Variants in WEE1 observed in about 807,000 individuals in gnomAD.
WEE1 encodes the protein wee1-like protein kinase.
WEE1 carries 16 observed loss-of-function variants against 68.8 expected under a neutral mutation model. The observed-to-expected ratio is 0.23, with a 90% CI of 0.16 to 0.35. The LOEUF is 0.35. Among genes scored for constraint, WEE1 ranks in the 10% least tolerant of loss-of-function variants. The pLI is 1.00. For synonymous variants in WEE1, 349 were observed against 318.7 expected, an observed-to-expected ratio of 1.09 and a Z score of -1.01; for missense variants, 651 against 824.1, an observed-to-expected ratio of 0.79 and a Z score of 2.57.
intron 6 of WEE1, 117 bp from the exon 7 acceptor site, chr11:9,585,141 T>A: frequency 1.2e-6 from 1 of 805,540 alleles, no homozygotes; most frequent in Non-Finnish European, 2.0e-6. Flanking sequence ...GGGTTTGGGC[T>A]AGAACTTGAG....
intron 10 of WEE1, among the ~76,000 whole-genome samples, chr11:9,587,458 CTT>C (rs1849714132): frequency 6.6e-6 from 1 of 152,198 alleles, no homozygotes; most frequent in African/African-American, 2.4e-5. Context: ...CTATACCAAT[CTT>C]TTCTTCCCAG....
chr11:9,575,871 T>C lies in WEE1; in HGVS notation c.577-17T>C. On this transcript the variant is annotated splice_polypyrimidine_tract_variant and intron_variant, in intron 1 of 10. Coordinates refer to ENST00000450114, the MANE Select transcript of WEE1 (RefSeq NM_003390.4). ...ACTTGGATCCTAAAAATTGTATTTG[T>C]ATTTTTCTTTCCCTAGAGTTTGCTC... is the stretch of plus-strand genomic sequence containing the variant. The C allele has an allele frequency of 1.2e-6, 2 of 1,611,828 alleles. No homozygotes were observed. Among genetic ancestry groups the C allele is most frequent in the Non-Finnish European group, 1.7e-6 (2 of 1,178,312 alleles).
Position 9,574,580 on chromosome 11 carries a change from G to T in WEE1, c.576+71G>T. On this transcript the variant is annotated intron_variant, in intron 1 of 10. Transcript: ENST00000450114. This position sits in a 1 kb window ranked among gnomAD's most constrained non-coding sequence, Gnocchi z 4.9. ...CGGAGGGGCCAGCGCCGCTGCCTGG[G>T]TTCGGTTACAGAAGCGGCCGGCCGC... 6 of 1,140,160 alleles carry T rather than the reference G, an allele frequency of 5.3e-6. No homozygotes were observed. The highest frequency in any genetic ancestry group is 5.4e-6 in the Non-Finnish European group (5 of 930,700). 70.6% of individuals were successfully genotyped at this position (1,140,160 alleles called of 1,614,324 possible). A position where few individuals can be genotyped will look rare whatever the true frequency, so the allele number is the denominator to read the frequency against.
Position 9,577,229 on chromosome 11 carries a change from T to C in WEE1, c.1107T>C (p.Asp369=), listed in dbSNP as rs201758163. The change falls in exon 5 of 11, where the codon GAT becomes GAC. Residue 369 remains aspartate, a synonymous_variant. Transcript: ENST00000450114. The stretch of plus-strand genomic sequence containing the variant: ...GATATTTCTCTGCGTGGGCAGAAGA[T>C]GATCATATGCTTATACAGAATGAAT... ...VVRYFSAWAE[D]DHMLIQNEYC... is the part of the protein sequence containing the mutation. The C allele has an allele frequency of 4.0e-5, 64 of 1,614,044 alleles. No homozygotes were observed. The highest frequency in any genetic ancestry group is 5.1e-5 in the Non-Finnish European group (60 of 1,179,904).
chr11:9,583,761 GCACACA>G (rs1157681380), intron 6 of WEE1, among the ~76,000 whole-genome samples: 71 of 48,904 alleles, frequency 1.5e-3, no homozygotes, highest in South Asian at 0.014. Flanking sequence ...GCACGCGCGC[GCACACA>G]CACACACACA....
At position 9,588,838 on chromosome 11, in the gene WEE1, C is replaced by A; in HGVS notation, c.*236C>A. On this transcript the variant is annotated 3_prime_UTR_variant, in exon 11 of 11. Coordinates refer to ENST00000450114, the MANE Select transcript of WEE1 (RefSeq NM_003390.4). ...GTGTCACTGTTGGATGTTACACCAGCCTTTCCAGGGTTAACCACTGTGGTG... is the reference window on the plus strand; with the variant it reads ...GTGTCACTGTTGGATGTTACACCAGACTTTCCAGGGTTAACCACTGTGGTG... 1 of 1,107,106 alleles carries A rather than the reference C, an allele frequency of 9.0e-7. No homozygotes were observed. 68.6% of individuals were successfully genotyped at this position (1,107,106 alleles called of 1,614,324 possible).
chr11:9,577,557 G>A (rs780538911), intron 5 of WEE1: 92 of 363,254 alleles, frequency 2.5e-4, no homozygotes, highest in Admixed American at 4.3e-4. Flanking sequence ...AGTACCTAGC[G>A]TAGTGTGTGA....
chr11:9,586,652 C>T, intron 9 of WEE1, 33 bp downstream of exon 9: 2 of 1,612,960 alleles, frequency 1.2e-6, no homozygotes, highest in Non-Finnish European at 8.5e-7. Flanking sequence ...CCTTTATTGA[C>T]ATGGTTCTAT....
rs1334525313 is a variant in WEE1 at position 9,576,461 on chromosome 11, A to G, written c.847-26A>G. On this transcript the variant is annotated intron_variant, in intron 3 of 10. Coordinates refer to ENST00000450114, the MANE Select transcript of WEE1 (RefSeq NM_003390.4). This position sits in a 1 kb window ranked among gnomAD's most constrained non-coding sequence, Gnocchi z 4.3. ...AACTGTTTTCGTATATTTGTATTAC[A>G]TATATGGAAACACTTTTTATTACAG... is the stretch of plus-strand genomic sequence containing the variant. 6.9e-6 allele frequency: 11 copies of G among 1,602,684 alleles called. No individual in the cohort carries two copies. In the African/African-American group the frequency reaches 1.3e-4, roughly 20 times the overall value.
chr11:9,588,505 C>T lies in WEE1; in HGVS notation c.1844C>T (p.Thr615Ile). 3 of 1,612,184 alleles carry T rather than the reference C, an allele frequency of 1.9e-6. No individual in the cohort carries two copies. In the South Asian group the frequency reaches 3.3e-5, roughly 18 times the overall value. The change falls in exon 11 of 11, where the codon ACT (threonine) becomes ATT (isoleucine). Residue 615 changes from threonine (T) to isoleucine (I), a missense_variant. Around this residue, in one of 5 missense-constraint regions of WEE1, gnomAD observed 115 missense variants for 142.7 expected, o/e 0.81. Coordinates refer to ENST00000450114, the MANE Select transcript of WEE1 (RefSeq NM_003390.4). ...GCAGCTGAGGAAAGAGCACTCTTCA[C>T]TGACCGGATGGCCACTAGGTCCACC... is the stretch of plus-strand genomic sequence containing the variant. ...KAAAEERALF[T>I]DRMATRSTTQ...
At chr11:9,583,254 A>G (rs1033253808) in intron 6 of WEE1, among the ~76,000 whole-genome samples, 17 of 151,978 alleles carry the variant, frequency 1.1e-4, no homozygotes, top group Non-Finnish European at 5.9e-5. Context: ...CGGAGGTTGC[A>G]GTGAGCCGAG....
Position 9,574,328 on chromosome 11 carries a change from A to T in WEE1, c.395A>T (p.Tyr132Phe). The part of the protein sequence containing the change: ...SSPVKSPAAP[Y>F]FLGSSFSPVR... ...CCGGTCAAGTCGCCGGCGGCCCCCT[A>T]CTTCCTGGGTAGCTCTTTCTCGCCG... is the stretch of plus-strand genomic sequence containing the variant. Residue 132 changes from tyrosine to phenylalanine, a missense_variant, in exon 1 of 11, where the codon TAC becomes TTC. Around this residue, in one of 5 missense-constraint regions of WEE1, gnomAD observed 395 missense variants for 378.4 expected, o/e 1.04. Coordinates refer to ENST00000450114, the MANE Select transcript of WEE1 (RefSeq NM_003390.4). The surrounding 1 kb of genome is among the most constrained non-coding windows in gnomAD (Gnocchi z 4.9). The T allele has an allele frequency of 1.6e-6, 2 of 1,271,966 alleles. No individual in the cohort carries two copies. Among genetic ancestry groups the T allele is most frequent in the Non-Finnish European group, 2.0e-6 (2 of 1,007,252 alleles). The allele number at this position is 1,271,966 out of a possible 1,614,324, so 78.8% of individuals were successfully genotyped here.
At position 9,586,490 on chromosome 11, in the gene WEE1, C is replaced by T; in HGVS notation, c.1512C>T (p.Ala504=). The T allele has an allele frequency of 1.2e-6, 2 of 1,613,750 alleles. No individual in the cohort carries two copies. The highest frequency in any genetic ancestry group is 1.7e-6 in the Non-Finnish European group (2 of 1,179,870). The change falls in exon 9 of 11, where the codon GCC becomes GCT. Residue 504 remains alanine (A), a synonymous_variant. Coordinates refer to ENST00000450114, the MANE Select transcript of WEE1 (RefSeq NM_003390.4). Reference sequence around the variant, plus strand: ...CAAAAGCAGATATTTTTGCGCTTGCCCTCACAGTGGTATGTGCTGCTGGTG... The same window carrying T: ...CAAAAGCAGATATTTTTGCGCTTGCTCTCACAGTGGTATGTGCTGCTGGTG... ...HLPKADIFAL[A]LTVVCAAGAE... is the part of the protein sequence containing the mutation.
At chr11:9,583,810 T>C (rs1397482229) in intron 6 of WEE1, among the ~76,000 whole-genome samples, 137 of 17,962 alleles carry the variant, frequency 7.6e-3, no homozygotes, top group African/African-American at 0.016. Flanking sequence ...CACATATATA[T>C]ATATATATAT....
At chr11:9,579,499 G>A (rs895149281) in intron 5 of WEE1, 1 of 152,160 alleles carries the variant, frequency 6.6e-6, no homozygotes, top group Admixed American at 6.5e-5. Context: ...GTGATAGATT[G>A]GAATTAACCT....
rs1207431523 is a variant in WEE1, at chr11:9,583,915, G to A, written c.1289-1343G>A. 2.4e-4 allele frequency among the ~76,000 whole-genome samples: 35 copies of A among 143,942 alleles called. 1 individual carries two copies. Among genetic ancestry groups the A allele is most frequent in the South Asian group, 1.4e-3 (6 of 4,414 alleles). 94.4% of individuals were successfully genotyped at this position (143,942 alleles called of 152,430 possible). ...GGCTGGAGTGCAGTAGTGCGATCTC[G>A]GCTCACTGCAACCTCTGCCTCCTGG... On this transcript the variant is annotated intron_variant, in intron 6 of 10. Transcript: ENST00000450114.
chr11:9,585,404 G>A (rs1325714628), intron 7 of WEE1, 38 bp from the exon 8 acceptor site: 1 of 1,608,220 alleles, frequency 6.2e-7, no homozygotes, highest in African/African-American at 1.3e-5. Context: ...AGGCTGTTTT[G>A]TTTTTGCTCT....
intron 6 of WEE1, among the ~76,000 whole-genome samples, chr11:9,581,956 C>T (rs1351008397): frequency 1.3e-5 from 2 of 152,242 alleles, no homozygotes; most frequent in Admixed American, 6.5e-5. Context: ...TTCCCCATCC[C>T]GTGCTCAAGC....
At position 9,574,307 on chromosome 11, in the gene WEE1, T is replaced by C; in HGVS notation, c.374T>C (p.Val125Ala). 2 of 1,265,604 alleles carry C rather than the reference T, an allele frequency of 1.6e-6. No homozygotes were observed. The highest frequency in any genetic ancestry group is 3.0e-5 in the South Asian group (1 of 33,258). 78.4% of individuals were successfully genotyped at this position (1,265,604 alleles called of 1,614,324 possible). A position where few individuals can be genotyped will look rare whatever the true frequency, so the allele number is the denominator to read the frequency against. ...GAGGGCTTCGGCTCCTCGTCGCCGGTCAAGTCGCCGGCGGCCCCCTACTTC... is the reference window on the plus strand; with the variant it reads ...GAGGGCTTCGGCTCCTCGTCGCCGGCCAAGTCGCCGGCGGCCCCCTACTTC... ...EEEGFGSSSPVKSPAAPYFLG... is the reference protein window; with the variant it reads ...EEEGFGSSSPAKSPAAPYFLG... The change falls in exon 1 of 11, where the codon GTC becomes GCC. Residue 125 changes from valine (V) to alanine (A), a missense_variant. Val to Ala is a moderately conservative substitution (Grantham distance 64). This residue lies in a region of WEE1 where 395 missense variants were observed against 378.4 expected (regional missense o/e 1.04). Coordinates refer to ENST00000450114, the MANE Select transcript of WEE1 (RefSeq NM_003390.4). This position sits in a 1 kb window ranked among gnomAD's most constrained non-coding sequence, Gnocchi z 4.9.
Sources: gnomAD v4.1 joint callset for allele counts (sites outside exome capture counted in the v4.1 genomes callset) on GRCh38, gnomAD v4.1.1 for gene constraint, gnomAD v4.1.1 regional missense constraint, Gnocchi (gnomAD v3.1) non-coding constraint, MANE v1.5 for transcripts, NCBI Gene and HGNC (gene_info 2026-07-23, HGNC 2026-07-21) for gene names.